The following PDE3A variants were observed in gnomAD, a reference collection of about 807,000 sequenced individuals.
PDE3A encodes phosphodiesterase 3A, also known as cGMP-inhibited 3',5'-cyclic phosphodiesterase 3A.
In PDE3A, 43 loss-of-function variants were observed where a neutral mutation model predicts 98.3. That is an observed-to-expected ratio of 0.44 (90% CI 0.34 to 0.56). The LOEUF (loss-of-function observed/expected upper bound fraction) is 0.56, where lower values mean the gene tolerates loss of function less well. PDE3A is among the 20% of genes least tolerant of loss of function. The pLI is 0.01. For missense variants in PDE3A, 1,427 were observed against 1,440.7 expected, an observed-to-expected ratio of 0.99 and a Z score of 0.15; for synonymous variants, 663 against 567.9, an observed-to-expected ratio of 1.17 and a Z score of -2.38.
chr12:20,414,360 A>T (rs890761199), intron 1 of PDE3A, among the ~76,000 whole-genome samples: 8 of 152,200 alleles, frequency 5.3e-5, no homozygotes, highest in African/African-American at 1.9e-4. Context: ...AGCAGGAAAA[A>T]GTCTTGTACA....
At chr12:20,424,054 G>A (rs887200500) in intron 1 of PDE3A, among the ~76,000 whole-genome samples, 4 of 152,046 alleles carry the variant, frequency 2.6e-5, no homozygotes, top group African/African-American at 9.7e-5. Context: ...ACAAACCAGA[G>A]GTAGAAAGTA....
intron 1 of PDE3A, among the ~76,000 whole-genome samples, chr12:20,481,600 C>A (rs868315395): frequency 6.6e-6 from 1 of 151,718 alleles, no homozygotes; most frequent in African/African-American, 2.4e-5. Context: ...AAACAGCCAG[C>A]AAAAATAAGT....
chr12:20,386,284 T>C (rs1943802245), intron 1 of PDE3A, among the ~76,000 whole-genome samples: 1 of 134,612 alleles, frequency 7.4e-6, no homozygotes. Flanking sequence ...TATTATAGTA[T>C]ATTATAGTAT....
At chr12:20,623,632 G>A (rs1022647875) in intron 5 of PDE3A, among the ~76,000 whole-genome samples, 2 of 150,292 alleles carry the variant, frequency 1.3e-5, no homozygotes, top group African/African-American at 4.9e-5. Context: ...AGGAATTTAT[G>A]ATGGATATAT....
intron 1 of PDE3A, among the ~76,000 whole-genome samples, chr12:20,513,967 A>T (rs1565573685): frequency 6.6e-6 from 1 of 152,218 alleles, no homozygotes; most frequent in Non-Finnish European, 1.5e-5. Flanking sequence ...GAACTAAGAA[A>T]ACTAATTTGT....
chr12:20,457,133 C>T (rs1436178054), intron 1 of PDE3A, among the ~76,000 whole-genome samples: 1 of 151,958 alleles, frequency 6.6e-6, no homozygotes, highest in Non-Finnish European at 1.5e-5. Context: ...CAAGCAAAAT[C>T]TAAGCAAGGA....
At chr12:20,435,340 C>A (rs1944762070) in intron 1 of PDE3A, among the ~76,000 whole-genome samples, 1 of 152,052 alleles carries the variant, frequency 6.6e-6, no homozygotes, top group Non-Finnish European at 1.5e-5. Flanking sequence ...AATCTTAATT[C>A]TTCTACGTCA....
intron 2 of PDE3A, among the ~76,000 whole-genome samples, chr12:20,592,943 GT>G (rs67909352): frequency 0.18 from 26,717 of 152,040 alleles, 2,943 homozygotes; most frequent in South Asian, 0.34. Context: ...TAATAATTAG[GT>G]TTTTTGAGTT....
At chr12:20,469,128 G>A (rs1945393483) in intron 1 of PDE3A, among the ~76,000 whole-genome samples, 1 of 152,004 alleles carries the variant, frequency 6.6e-6, no homozygotes, top group Non-Finnish European at 1.5e-5. Context: ...GAAATCACAT[G>A]ATTACCATTA....
At chr12:20,453,760 C>A in intron 1 of PDE3A, among the ~76,000 whole-genome samples, 1 of 152,166 alleles carries the variant, frequency 6.6e-6, no homozygotes, top group East Asian at 1.9e-4. Flanking sequence ...CCCTTCCTGG[C>A]TCTGTTTCTC....
chr12:20,503,354 A>G (rs937998542), intron 1 of PDE3A, among the ~76,000 whole-genome samples: 3 of 152,198 alleles, frequency 2.0e-5, no homozygotes, highest in Non-Finnish European at 4.4e-5. Context: ...GGTATTCCAT[A>G]GAAAGACTAC....
At chr12:20,658,943 G>C (rs1335792417) in intron 15 of PDE3A, among the ~76,000 whole-genome samples, 1 of 152,100 alleles carries the variant, frequency 6.6e-6, no homozygotes, top group African/African-American at 2.4e-5. Context: ...GTCAAACTGA[G>C]AGAAATGGCA....
At chr12:20,598,595 A>G (rs1374039003) in intron 2 of PDE3A, among the ~76,000 whole-genome samples, 4 of 152,218 alleles carry the variant, frequency 2.6e-5, no homozygotes, top group Admixed American at 6.5e-5. Context: ...AGAGATTATC[A>G]AAGGGGAACA....
At chr12:20,647,448 A>T (rs533774711) in intron 12 of PDE3A, among the ~76,000 whole-genome samples, 6 of 151,980 alleles carry the variant, frequency 3.9e-5, no homozygotes, top group African/African-American at 1.4e-4. Context: ...TTGCCTAAAC[A>T]TAGATTCCAA....
chr12:20,401,610 C>G (rs1206394987), intron 1 of PDE3A, among the ~76,000 whole-genome samples: 2 of 152,166 alleles, frequency 1.3e-5, no homozygotes, highest in Non-Finnish European at 2.9e-5. Context: ...GATCTCCAAC[C>G]AGCTTAGGTT....
At position 20,680,064 on chromosome 12, in the gene PDE3A, C is replaced by T. The variant is rs976456479; in HGVS notation, c.3219C>T (p.Cys1073=). The change falls in exon 16 of 16, where the codon TGC becomes TGT. Residue 1073 remains cysteine, a synonymous_variant. Coordinates refer to ENST00000359062, the MANE Select transcript of PDE3A (RefSeq NM_000921.5). ...CTTTCAAAAGGAGAAAAATCTACTG[C>T]CAAATAACTCAGCACCTCTTACAGA... is the stretch of plus-strand genomic sequence containing the variant. The part of the protein sequence containing the change: ...KKTFKRRKIY[C]QITQHLLQNH... The T allele has an allele frequency of 3.1e-6, 5 of 1,603,478 alleles. No homozygotes were observed. The East Asian group carries it at 6.7e-5, about 21-fold the overall frequency.
At chr12:20,467,049 A>G (rs1439976614) in intron 1 of PDE3A, among the ~76,000 whole-genome samples, 1 of 152,108 alleles carries the variant, frequency 6.6e-6, no homozygotes, top group Non-Finnish European at 1.5e-5. Flanking sequence ...CCTTTTTTAT[A>G]TATGCCTTCC....
At chr12:20,425,244 C>G (rs1189068709) in intron 1 of PDE3A, among the ~76,000 whole-genome samples, 1 of 152,104 alleles carries the variant, frequency 6.6e-6, no homozygotes, top group Non-Finnish European at 1.5e-5. Flanking sequence ...TGGTGACATA[C>G]ATAAAGCCAG....
chr12:20,545,365 C>A (rs1942023627), intron 1 of PDE3A, among the ~76,000 whole-genome samples: 1 of 151,998 alleles, frequency 6.6e-6, no homozygotes, highest in African/African-American at 2.4e-5. Flanking sequence ...GAATTTGCCT[C>A]TATCTGAAGC....
Sources: allele counts gnomAD v4.1 joint callset (sites outside exome capture counted in the v4.1 genomes callset), GRCh38; gene constraint gnomAD v4.1.1; transcripts MANE v1.5; gene names NCBI Gene and HGNC (gene_info 2026-07-23, HGNC 2026-07-21).